TUB: variants seen among roughly 807,000 people sequenced by gnomAD.
TUB encodes the protein tubby protein homolog.
TUB carries 33 observed loss-of-function variants against 59.7 expected under a neutral mutation model. The observed-to-expected ratio is 0.55, with a 90% CI of 0.42 to 0.74. The LOEUF (loss-of-function observed/expected upper bound fraction) is 0.74. TUB is among the 30% of genes least tolerant of loss of function. The pLI is 0.00. For synonymous variants in TUB, 293 were observed against 256.4 expected, an observed-to-expected ratio of 1.14 and a Z score of -1.36; for missense variants, 659 against 672.0, an observed-to-expected ratio of 0.98 and a Z score of 0.21.
At chr11:8,099,859 G>A (rs1226429227) in intron 9 of TUB, among the ~76,000 whole-genome samples, 1 of 152,212 alleles carries the variant, frequency 6.6e-6, no homozygotes. Context: ...AGTCCTGAAT[G>A]CCTGGCATGA....
At chr11:8,083,892 C>G (rs775469345) in intron 1 of TUB, among the ~76,000 whole-genome samples, 46 of 152,198 alleles carry the variant, frequency 3.0e-4, no homozygotes, top group Non-Finnish European at 6.2e-4. Context: ...GGGGTGCAGA[C>G]TTCCAAAATG....
chr11:8,073,903 AAAGAGCAGAACCG>A (rs1184746878), intron 2 of TUB, among the ~76,000 whole-genome samples: 18 of 139,776 alleles, frequency 1.3e-4, no homozygotes, highest in East Asian at 2.3e-4. Context: ...AAGAGCAGGT[AAAGAGCAGAACCG>A]TAGTTCAGCA....
rs553708725 is a variant in TUB, at chr11:8,101,090, A to G, written c.1387+93A>G. 143 of 1,441,614 alleles carry G rather than the reference A, an allele frequency of 9.9e-5. 1 individual carries two copies. The African/African-American group carries it at 1.8e-3, about 18-fold the overall frequency. 89.3% of individuals were successfully genotyped at this position (1,441,614 alleles called of 1,614,324 possible). A position where few individuals can be genotyped will look rare whatever the true frequency, so the allele number is the denominator to read the frequency against. ...CCACCTAGCCCTGCCTACACTGGCTAGAGTTTAAGAATGTGAGCTATACAG... is the reference window on the plus strand; with the variant it reads ...CCACCTAGCCCTGCCTACACTGGCTGGAGTTTAAGAATGTGAGCTATACAG... On this transcript the variant is annotated intron_variant, in intron 11 of 11. Coordinates refer to ENST00000299506, the MANE Select transcript of TUB (RefSeq NM_177972.3).
chr11:8,043,863 T>A (rs1942789887), intron 2 of TUB, among the ~76,000 whole-genome samples: 1 of 152,198 alleles, frequency 6.6e-6, no homozygotes, highest in Non-Finnish European at 1.5e-5. Flanking sequence ...GAGATAGTTT[T>A]ATTTGTTCCT....
intron 2 of TUB, among the ~76,000 whole-genome samples, chr11:8,066,244 G>A (rs775920666): frequency 6.6e-6 from 1 of 152,206 alleles, no homozygotes; most frequent in Non-Finnish European, 1.5e-5. Flanking sequence ...CTGGACATGA[G>A]GTTCCACTTG....
At chr11:8,040,403 T>C (rs116607959) in intron 2 of TUB, among the ~76,000 whole-genome samples, 362 of 152,280 alleles carry the variant, frequency 2.4e-3, no homozygotes, top group African/African-American at 7.8e-3. Context: ...GGGAAGTCTG[T>C]CTGTCCTTCC....
Position 8,101,840 on chromosome 11 carries a change from GAATA to G in TUB, c.*223_*226del. On this transcript the variant is annotated 3_prime_UTR_variant, in exon 12 of 12. Transcript: ENST00000299506. ...CGGGTGGGTGGGTGTGAAGGGATGAGAATAATTCTTTCCATGCCACGAGATCAAC... is the reference window on the plus strand; with the variant it reads ...CGGGTGGGTGGGTGTGAAGGGATGAGATTCTTTCCATGCCACGAGATCAAC... The G allele has an allele frequency of 6.3e-5, 30 of 475,904 alleles. No homozygotes were observed. In the South Asian group the frequency reaches 1.2e-3, roughly 19 times the overall value. The allele number at this position is 475,904 out of a possible 1,614,324, so 29.5% of individuals were successfully genotyped here. A position where few individuals can be genotyped will look rare whatever the true frequency, so the allele number is the denominator to read the frequency against.
chr11:8,037,418 C>A (rs562931316), upstream of TUB, among the ~76,000 whole-genome samples: 7 of 152,342 alleles, frequency 4.6e-5, no homozygotes, highest in South Asian at 1.2e-3. Flanking sequence ...TTCACTTTTG[C>A]ACCCTTCTTC....
rs1473471451 is a variant in TUB, at chr11:8,021,010, C to T, written c.56+1652C>T. On this transcript the variant is annotated intron_variant, in intron 1 of 11. Transcript: ENST00000534099. ...GAAAAACTTAAAGTTGAGCTAATTC[C>T]ATATAGTAAATAATTTTTCCCTGCA... Among the ~76,000 whole-genome samples the T allele has an allele frequency of 3.3e-5, 5 of 152,184 alleles. No individual in the cohort carries two copies. In the East Asian group the frequency reaches 9.6e-4, roughly 29 times the overall value.
At chr11:8,036,057 G>C (rs537348320), upstream of TUB, 1 of 152,268 alleles carries the variant, frequency 6.6e-6, no homozygotes, top group Non-Finnish European at 1.5e-5. Flanking sequence ...TGCTCCACTA[G>C]CCTAAAAGGT....
chr11:8,105,756 A>C lies in TUB; in HGVS notation c.*4137A>C, dbSNP rs188273931. 9.8e-5 allele frequency: 15 copies of C among 152,286 alleles called. No individual in the cohort carries two copies. The highest frequency in any genetic ancestry group is 8.5e-4 in the Admixed American group (13 of 15,298). The allele number at this position is 152,286 out of a possible 1,614,324, so 9.4% of individuals were successfully genotyped here. On this transcript the variant is annotated 3_prime_UTR_variant, in exon 12 of 12. Transcript: ENST00000299506. ...CTGTGCCTTTTTTTCTTTCCTAAGAAAGACATCACATCCCTCTCCTCTCCT... is the reference window on the plus strand; with the variant it reads ...CTGTGCCTTTTTTTCTTTCCTAAGACAGACATCACATCCCTCTCCTCTCCT...
At chr11:8,081,164 G>A (rs1398429531), upstream of TUB, among the ~76,000 whole-genome samples, 265 of 150,428 alleles carry the variant, frequency 1.8e-3, 3 homozygotes, top group Admixed American at 5.6e-3. Context: ...GCGGGGCGGG[G>A]CGGGGCGGGG....
rs374193765 is a variant in TUB at position 8,095,433 on chromosome 11, G to A, written c.398-65G>A. ...CTCTTCCCTCATCCCCTTCATGGAC[G>A]TCTGAGAATCCAGGCCCTCCTCTCC... On this transcript the variant is annotated intron_variant, in intron 4 of 11. Coordinates refer to ENST00000299506, the MANE Select transcript of TUB (RefSeq NM_177972.3). 65 of 1,520,134 alleles carry A rather than the reference G, an allele frequency of 4.3e-5. No individual in the cohort carries two copies. In the East Asian group the frequency reaches 7.5e-4, roughly 18 times the overall value. The allele number at this position is 1,520,134 out of a possible 1,614,324, so 94.2% of individuals were successfully genotyped here.
intron 1 of TUB, among the ~76,000 whole-genome samples, chr11:8,024,366 A>ATCT (rs1223138438): frequency 2.0e-5 from 3 of 152,116 alleles, no homozygotes; most frequent in Non-Finnish European, 4.4e-5. Context: ...CACCAATGCC[A>ATCT]TCTCTCAGTC....
At chr11:8,030,631 G>T (rs909119105) in intron 1 of TUB, among the ~76,000 whole-genome samples, 2 of 152,186 alleles carry the variant, frequency 1.3e-5, no homozygotes, top group Non-Finnish European at 2.9e-5. Context: ...CCATGCTTTT[G>T]TCCTGGGGAG....
At chr11:8,072,671 A>G (rs909886176) in intron 2 of TUB, among the ~76,000 whole-genome samples, 1 of 152,122 alleles carries the variant, frequency 6.6e-6, no homozygotes, top group Non-Finnish European at 1.5e-5. Flanking sequence ...ATCCTCACAC[A>G]CTATGTGCAG....
At chr11:8,040,555 G>A (rs1942732610) in intron 2 of TUB, among the ~76,000 whole-genome samples, 1 of 152,202 alleles carries the variant, frequency 6.6e-6, no homozygotes, top group South Asian at 2.1e-4. Context: ...CTCGAGTATG[G>A]CCTTCATGGC....
intron 9 of TUB, among the ~76,000 whole-genome samples, chr11:8,100,180 A>G (rs1944207303): frequency 6.6e-6 from 1 of 152,208 alleles, no homozygotes; most frequent in African/African-American, 2.4e-5. Flanking sequence ...TATAATTGGA[A>G]GGTGGAGCTG....
chr11:8,025,380 G>A (rs186479144), intron 1 of TUB, among the ~76,000 whole-genome samples: 3 of 152,300 alleles, frequency 2.0e-5, no homozygotes, highest in Middle Eastern at 3.4e-3. Flanking sequence ...TCCATGGAAA[G>A]GAGCAGCAAG....
Sources: allele counts gnomAD v4.1 joint callset (sites outside exome capture counted in the v4.1 genomes callset), GRCh38; gene constraint gnomAD v4.1.1; transcripts MANE v1.5; gene names NCBI Gene and HGNC (gene_info 2026-07-23, HGNC 2026-07-21).